Variants in HS3ST6 observed in about 807,000 individuals in gnomAD.
HS3ST6 encodes heparan sulfate glucosamine 3-O-sulfotransferase 6.
Under a neutral mutation model 11.0 loss-of-function variants are expected in HS3ST6, and 13 were observed. The ratio of observed to expected loss-of-function variants is 1.18; its 90% CI spans 0.77 to 1.88. The LOEUF (loss-of-function observed/expected upper bound fraction) is 1.88. HS3ST6 is among the 40% of genes most tolerant of loss of function. The pLI, the probability that HS3ST6 is intolerant of heterozygous loss-of-function variation, is 0.00. For synonymous variants in HS3ST6, 232 were observed against 230.6 expected, an observed-to-expected ratio of 1.01 and a Z score of -0.06; for missense variants, 541 against 494.4, an observed-to-expected ratio of 1.09 and a Z score of -0.89.
chr16:1,920,721 G>A (rs533289937), upstream of HS3ST6, among the ~76,000 whole-genome samples: 4 of 152,268 alleles, frequency 2.6e-5, no homozygotes, highest in African/African-American at 9.6e-5. Flanking sequence ...ACCAGGAGTC[G>A]GCTCGGAGGG....
At chr16:1,920,068 ATCCCCATGG>A (rs2082953131), upstream of HS3ST6, among the ~76,000 whole-genome samples, 1 of 84,198 alleles carries the variant, frequency 1.2e-5, no homozygotes. Flanking sequence ...CGGTCTCAGC[ATCCCCATGG>A]TCTCAGCTGT....
Position 1,912,070 on chromosome 16 carries a change from G to A in HS3ST6, c.549C>T (p.Pro183=), listed in dbSNP as rs147807174. 2.1e-5 allele frequency: 32 copies of A among 1,515,204 alleles called. No homozygotes were observed. Among genetic ancestry groups the A allele is most frequent in the African/African-American group, 2.0e-4 (14 of 71,400 alleles). The allele number at this position is 1,515,204 out of a possible 1,614,324, so 93.9% of individuals were successfully genotyped here. The part of the protein sequence containing the change: ...DTKLIVVVRN[P]VTRAISDYAQ... ...CGTAGTCGGAGATGGCCCGGGTCAC[G>A]GGGTTCCGCACCACCACGATCAGCT... The change falls in exon 2 of 2, where the codon CCC becomes CCT. Residue 183 remains proline (P), a synonymous_variant. Coordinates refer to ENST00000454677, the MANE Select transcript of HS3ST6 (RefSeq NM_001009606.4). The surrounding 1 kb of genome is among the most constrained non-coding windows in gnomAD (Gnocchi z 5.6).
At position 1,918,110 on chromosome 16, in the gene HS3ST6, G is replaced by A; in HGVS notation, c.214C>T (p.His72Tyr). Residue 72 changes from histidine to tyrosine, a missense_variant, in exon 1 of 2, where the codon CAC becomes TAC. Coordinates refer to ENST00000454677, the MANE Select transcript of HS3ST6 (RefSeq NM_001009606.4). The surrounding 1 kb of genome is among the most constrained non-coding windows in gnomAD (Gnocchi z 6.0). ...GGCAGGCCGGGTGCTCCCGGGCGGT[G>A]GACGGAGCTGGACGGCTCGGAGGGC... Reference protein sequence around the residue: ...PAPSEPSSSVHRPGAPGLPLA... With the variant: ...PAPSEPSSSVYRPGAPGLPLA... 1 of 1,285,008 alleles carries A rather than the reference G, an allele frequency of 7.8e-7. No individual in the cohort carries two copies. The highest frequency in any genetic ancestry group is 3.2e-5 in the East Asian group (1 of 31,568). 79.6% of individuals were successfully genotyped at this position (1,285,008 alleles called of 1,614,324 possible).
At chr16:1,917,777 G>C (rs1435330983) in intron 1 of HS3ST6, 134 bp downstream of exon 1, 1 of 579,366 alleles carries the variant, frequency 1.7e-6, no homozygotes, top group East Asian at 3.6e-5. Context: ...GGCCCCCACA[G>C]GGCGGTCCCA....
Position 1,911,886 on chromosome 16 carries a change from G to C in HS3ST6, c.733C>G (p.Leu245Val). The change falls in exon 2 of 2, where the codon CTG (leucine) becomes GTG (valine). Residue 245 changes from leucine (L) to valine (V), a missense_variant. Coordinates refer to ENST00000454677, the MANE Select transcript of HS3ST6 (RefSeq NM_001009606.4). ...WLRYFPLSHF[L>V]FVSGERLVSD... ...ACCAGACGCTCCCCGCTGACGAACA[G>C]GAAGTGGGACAGGGGGAAGTAGCGC... is the stretch of plus-strand genomic sequence containing the variant. 6.2e-7 allele frequency: 1 copy of C among 1,606,948 alleles called. No individual in the cohort carries two copies. The highest frequency in any genetic ancestry group is 8.5e-7 in the Non-Finnish European group (1 of 1,175,750).
In HS3ST6 at chr16:1,918,045, C is replaced by G. The variant is rs1429986681; in HGVS notation, c.279G>C (p.Ala93=). 2 of 1,517,784 alleles carry G rather than the reference C, an allele frequency of 1.3e-6. No individual in the cohort carries two copies. The highest frequency in any genetic ancestry group is 2.6e-5 in the East Asian group (1 of 38,002). The allele number at this position is 1,517,784 out of a possible 1,614,324, so 94.0% of individuals were successfully genotyped here. Residue 93 remains alanine (A), a synonymous_variant, in exon 1 of 2, where the codon GCG becomes GCC. Transcript: ENST00000454677. This position sits in a 1 kb window ranked among gnomAD's most constrained non-coding sequence, Gnocchi z 6.0. ...SGPGRRRFPQ[A]LIVGVKKGGT... ...CGCCCTTCTTCACGCCAACGATGAG[C>G]GCTTGCGGGAAGCGCCGGCGGCCGG...
At chr16:1,918,955 C>A (rs989316077), upstream of HS3ST6, among the ~76,000 whole-genome samples, 13 of 152,120 alleles carry the variant, frequency 8.5e-5, no homozygotes, top group African/African-American at 2.7e-4. This position sits in a 1 kb window ranked among gnomAD's most constrained non-coding sequence, Gnocchi z 6.0. Flanking sequence ...AGTCTGCGGC[C>A]GGGAATGGCG....
upstream of HS3ST6, among the ~76,000 whole-genome samples, chr16:1,919,683 C>T (rs576480807): frequency 2.6e-5 from 4 of 152,334 alleles, no homozygotes; most frequent in East Asian, 5.8e-4. Flanking sequence ...CTCAAGGGGC[C>T]GAAGGCCTCC....
In HS3ST6 at chr16:1,911,984, C is replaced by T; in HGVS notation, c.635G>A (p.Gly212Asp). The change falls in exon 2 of 2, where the codon GGC (glycine) becomes GAC (aspartate). Residue 212 changes from glycine (G) to aspartate (D), a missense_variant. Physicochemically the swap from Gly to Asp is moderately conservative, Grantham distance 94 (BLOSUM62 -1). Coordinates refer to ENST00000454677, the MANE Select transcript of HS3ST6 (RefSeq NM_001009606.4). ...CCAGGCTGTGTCCACGGGGCCCAGG[C>T]CGTGGCGGAAGGCCAGGGCGCGGAA... ...PSFRALAFRH[G>D]LGPVDTAWSA... is the part of the protein sequence containing the mutation. 1 of 1,543,206 alleles carries T rather than the reference C, an allele frequency of 6.5e-7. No individual in the cohort carries two copies. Among genetic ancestry groups the T allele is most frequent in the Non-Finnish European group, 8.7e-7 (1 of 1,145,046 alleles).
rs1597008901 is a variant in HS3ST6, at chr16:1,912,333, C to T, written c.414-128G>A. On this transcript the variant is annotated intron_variant, in intron 1 of 1. Transcript: ENST00000454677. This position sits in a 1 kb window ranked among gnomAD's most constrained non-coding sequence, Gnocchi z 5.6. ...CTCCAGGGCGAGCAAGTCTTCCTCCCTGCTCGGGCCCACCCCTGCTAGCGT... is the reference window on the plus strand; with the variant it reads ...CTCCAGGGCGAGCAAGTCTTCCTCCTTGCTCGGGCCCACCCCTGCTAGCGT... 1 of 839,142 alleles carries T rather than the reference C, an allele frequency of 1.2e-6. No homozygotes were observed. The highest frequency in any genetic ancestry group is 1.6e-6 in the Non-Finnish European group (1 of 622,084). 52.0% of individuals were successfully genotyped at this position (839,142 alleles called of 1,614,324 possible).
upstream of HS3ST6, among the ~76,000 whole-genome samples, chr16:1,918,660 G>C (rs1488909595): frequency 6.6e-6 from 1 of 152,072 alleles, no homozygotes; most frequent in Non-Finnish European, 1.5e-5. This position sits in a 1 kb window ranked among gnomAD's most constrained non-coding sequence, Gnocchi z 6.0. Flanking sequence ...CTCTGCGCGG[G>C]GAGGATGCGG....
At position 1,911,721 on chromosome 16, in the gene HS3ST6, A is replaced by T; in HGVS notation, c.898T>A (p.Cys300Ser). 1.2e-6 allele frequency: 2 copies of T among 1,612,764 alleles called. No individual in the cohort carries two copies. The highest frequency in any genetic ancestry group is 2.2e-5 in the South Asian group (2 of 91,038). ...GGCCGGCCCTTGGACTTGCCCAGGC[A>T]GCGGGGACGGCTGCCGCCCTGGGCC... ...KKAQGGSRPR[C>S]LGKSKGRPHP... Residue 300 changes from cysteine to serine, a missense_variant, in exon 2 of 2, where the codon TGC (cysteine) becomes AGC (serine). Cys to Ser is a moderately radical substitution (Grantham distance 112). Transcript: ENST00000454677.
chr16:1,914,400 T>G (rs2082912491), intron 1 of HS3ST6, among the ~76,000 whole-genome samples: 1 of 152,094 alleles, frequency 6.6e-6, no homozygotes, highest in Non-Finnish European at 1.5e-5. Flanking sequence ...TCGCTGACGA[T>G]GCCCATAGAG....
chr16:1,918,941 G>A (rs1383298935), upstream of HS3ST6, among the ~76,000 whole-genome samples: 2 of 152,192 alleles, frequency 1.3e-5, no homozygotes, highest in African/African-American at 4.8e-5. The surrounding 1 kb of genome is among the most constrained non-coding windows in gnomAD (Gnocchi z 6.0). Flanking sequence ...GAACGTGTGG[G>A]GGGAGTCTGC....
intron 1 of HS3ST6, among the ~76,000 whole-genome samples, chr16:1,913,205 G>C (rs1393193993): frequency 6.6e-6 from 1 of 152,256 alleles, no homozygotes; most frequent in African/African-American, 2.4e-5. Flanking sequence ...TCGGAGACGT[G>C]GCGGCGCCGG....
At position 1,911,666 on chromosome 16, in the gene HS3ST6, CGG is replaced by C; in HGVS notation, c.951_952del (p.Arg318AlafsTer59). ...GGGCCGGTAGAACTCCTGCAGGCGC[CGG>C]ACCAGGGCCTGGGGCACGCGTGGGT... On this transcript the variant is annotated frameshift_variant, in exon 2 of 2. Coordinates refer to ENST00000454677, the MANE Select transcript of HS3ST6 (RefSeq NM_001009606.4). LOFTEE classifies it high-confidence loss of function. 3.1e-6 allele frequency: 5 copies of C among 1,611,030 alleles called. No homozygotes were observed. The highest frequency in any genetic ancestry group is 1.3e-5 in the African/African-American group (1 of 74,992).
rs1487726871 is a variant in HS3ST6 at position 1,917,942 on chromosome 16, T to C, written c.382A>G (p.Arg128Gly). 1.3e-5 allele frequency: 19 copies of C among 1,507,418 alleles called. No individual in the cohort carries two copies. Among genetic ancestry groups the C allele is most frequent in the African/African-American group, 2.9e-5 (2 of 69,986 alleles). The allele number at this position is 1,507,418 out of a possible 1,614,324, so 93.4% of individuals were successfully genotyped here. ...CAGGCGAGGCCGCGCTCGTAGCACC[T>C]GTCGAAGAAGTGGGGCTCAGAGCCC... is the stretch of plus-strand genomic sequence containing the variant. ...ALGSEPHFFD[R>G]CYERGLAWYR... is the part of the protein sequence containing the mutation. The change falls in exon 1 of 2, where the codon AGG becomes GGG. Residue 128 changes from arginine (R) to glycine (G), a missense_variant. Arg to Gly is a moderately radical substitution (Grantham distance 125). Coordinates refer to ENST00000454677, the MANE Select transcript of HS3ST6 (RefSeq NM_001009606.4).
chr16:1,919,015 C>T (rs1409172333), upstream of HS3ST6, among the ~76,000 whole-genome samples: 1 of 152,154 alleles, frequency 6.6e-6, no homozygotes, highest in Admixed American at 6.5e-5. Context: ...ACAGCCTGGC[C>T]GCTGAGAGGT....
intron 1 of HS3ST6, among the ~76,000 whole-genome samples, chr16:1,914,482 G>C (rs183525570): frequency 6.6e-6 from 1 of 152,082 alleles, no homozygotes; most frequent in Non-Finnish European, 1.5e-5. Context: ...TTTTCCCCTC[G>C]GCCAGGAAGG....
Sources: gnomAD v4.1 joint callset for allele counts (sites outside exome capture counted in the v4.1 genomes callset) on GRCh38, gnomAD v4.1.1 for gene constraint, Gnocchi (gnomAD v3.1) non-coding constraint, MANE v1.5 for transcripts, NCBI Gene and HGNC (gene_info 2026-07-23, HGNC 2026-07-21) for gene names.